RPS6KA2: variants seen among roughly 807,000 people sequenced by gnomAD.
RPS6KA2 encodes the protein ribosomal protein S6 kinase alpha-2.
Under a neutral mutation model 91.8 loss-of-function variants are expected in RPS6KA2, and 42 were observed. That is an observed-to-expected ratio of 0.46 (90% CI 0.36 to 0.59). RPS6KA2 has a LOEUF of 0.59. RPS6KA2 is among the 20% of genes least tolerant of loss of function. The pLI is 0.00. For missense variants in RPS6KA2, 798 were observed against 978.5 expected, an observed-to-expected ratio of 0.82 and a Z score of 2.46; for synonymous variants, 414 against 393.6, an observed-to-expected ratio of 1.05 and a Z score of -0.61.
At chr6:166,524,678 C>G (rs1390405180) in intron 3 of RPS6KA2, among the ~76,000 whole-genome samples, 1 of 152,222 alleles carries the variant, frequency 6.6e-6, no homozygotes, top group East Asian at 1.9e-4. Flanking sequence ...ACAGCTTACA[C>G]TTTCCAAGCC....
chr6:166,444,334 G>A (rs750293995), intron 14 of RPS6KA2, among the ~76,000 whole-genome samples: 6 of 152,110 alleles, frequency 3.9e-5, no homozygotes, highest in Admixed American at 6.5e-5. Flanking sequence ...GCAGCCATCC[G>A]TCATGCTATT....
At chr6:166,699,380 T>A (rs995539705) in intron 2 of RPS6KA2, among the ~76,000 whole-genome samples, 3 of 151,836 alleles carry the variant, frequency 2.0e-5, no homozygotes, top group African/African-American at 7.3e-5. Context: ...TTTTTTTGGA[T>A]AAAACTACAA....
intron 1 of RPS6KA2, among the ~76,000 whole-genome samples, chr6:166,550,177 C>A (rs1416816596): frequency 6.6e-6 from 1 of 152,100 alleles, no homozygotes; most frequent in Non-Finnish European, 1.5e-5. Context: ...CCTTTGTTTT[C>A]TGAATTTCCT....
intron 2 of RPS6KA2, among the ~76,000 whole-genome samples, chr6:166,647,293 T>A (rs1200394646): frequency 6.6e-6 from 1 of 152,164 alleles, no homozygotes; most frequent in African/African-American, 2.4e-5. Flanking sequence ...CTTTGCATCC[T>A]GTGCGTTTGA....
intron 2 of RPS6KA2, chr6:166,702,926 T>G (rs572778210): frequency 1.8e-4 from 116 of 647,998 alleles, no homozygotes; most frequent in South Asian, 1.7e-3. Flanking sequence ...GCTGGTTTTG[T>G]TCCCCTCGTC....
In RPS6KA2 at chr6:166,786,491, CA is replaced by C. The variant is rs763436265; in HGVS notation, c.123+71708del. On this transcript the variant is annotated intron_variant, in intron 2 of 21. Transcript: ENST00000503859. ...TAATTCATGAATGATATCACGGATG[CA>C]AAAAAAAAAATTCTGATTGCATCAA... 1.2e-3 allele frequency among the ~76,000 whole-genome samples: 159 copies of C among 134,294 alleles called. 2 individuals are homozygous for C. Among genetic ancestry groups the C allele is most frequent in the South Asian group, 0.011 (48 of 4,460 alleles). 88.1% of individuals were successfully genotyped at this position (134,294 alleles called of 152,430 possible). A position where few individuals can be genotyped will look rare whatever the true frequency, so the allele number is the denominator to read the frequency against.
At chr6:166,699,992 G>A (rs559785178) in intron 2 of RPS6KA2, among the ~76,000 whole-genome samples, 37 of 152,346 alleles carry the variant, frequency 2.4e-4, no homozygotes, top group Non-Finnish European at 5.0e-4. Context: ...CCATTGGTCT[G>A]AAGTGTACTG....
At position 166,493,948 on chromosome 6, in the gene RPS6KA2, C is replaced by T. The variant is rs984505255; in HGVS notation, c.748-3207G>A. Among the ~76,000 whole-genome samples the T allele has an allele frequency of 2.1e-4, 32 of 152,214 alleles. No individual in the cohort carries two copies. Among genetic ancestry groups the T allele is most frequent in the African/African-American group, 6.3e-4 (26 of 41,550 alleles). On this transcript the variant is annotated intron_variant, in intron 8 of 20. Transcript: ENST00000265678. This position sits in a 1 kb window ranked among gnomAD's most constrained non-coding sequence, Gnocchi z 4.7. The stretch of plus-strand genomic sequence containing the variant: ...TGGCGGCCCCGGCACAGGCAGGATG[C>T]GCCTCATGGAGGCCAGTGGTACTGG...
chr6:166,483,549 A>G (rs889533574), intron 10 of RPS6KA2, among the ~76,000 whole-genome samples: 31 of 152,370 alleles, frequency 2.0e-4, no homozygotes, highest in African/African-American at 7.5e-4. Flanking sequence ...TTTGAAGACC[A>G]AAAATGTCGT....
At chr6:166,556,457 C>A (rs1216203695) in intron 1 of RPS6KA2, among the ~76,000 whole-genome samples, 3 of 152,226 alleles carry the variant, frequency 2.0e-5, no homozygotes, top group Non-Finnish European at 2.9e-5. Flanking sequence ...TCTGAGTCAA[C>A]TGGCCTTGTA....
At chr6:166,759,820 G>C (rs62438717) in intron 2 of RPS6KA2, among the ~76,000 whole-genome samples, 85,937 of 151,616 alleles carry the variant, frequency 0.57, 25,007 homozygotes, top group South Asian at 0.69. Flanking sequence ...AGCCGCAGCC[G>C]AGTCCGTATC....
intron 5 of RPS6KA2, among the ~76,000 whole-genome samples, chr6:166,505,258 T>A (rs974087220): frequency 8.6e-5 from 13 of 152,046 alleles, no homozygotes; most frequent in African/African-American, 2.9e-4. Flanking sequence ...CCCACGTAGC[T>A]GGGACAGCTC....
intron 7 of RPS6KA2, 117 bp from the exon 8 acceptor site, chr6:166,498,767 C>A (rs1349611046): frequency 1.5e-6 from 2 of 1,325,108 alleles, no homozygotes; most frequent in Non-Finnish European, 2.1e-6. Context: ...GTGGGCGCAG[C>A]AGAGCCCTGC....
chr6:166,484,080 T>C (rs1030960548), intron 10 of RPS6KA2, among the ~76,000 whole-genome samples: 2 of 152,252 alleles, frequency 1.3e-5, no homozygotes, highest in African/African-American at 2.4e-5. Flanking sequence ...CCCGCAAACC[T>C]GTGCTGTCTT....
chr6:166,768,510 AG>A lies in RPS6KA2; in HGVS notation c.123+89689del, dbSNP rs150161921. Among the ~76,000 whole-genome samples, 453 of 152,232 alleles carry A rather than the reference AG, an allele frequency of 3.0e-3. 1 individual carries two copies. Among genetic ancestry groups the A allele is most frequent in the African/African-American group, 0.01 (434 of 41,526 alleles). On this transcript the variant is annotated intron_variant, in intron 2 of 21. Coordinates refer to the RPS6KA2 transcript ENST00000503859. The stretch of plus-strand genomic sequence containing the variant: ...GCAGGGGCAGCTGCCTCTGCTTCAG[AG>A]GCTGAGTCTGTGTTAGGAGTTTCAG...
chr6:166,647,474 T>C (rs1473741074), intron 2 of RPS6KA2, among the ~76,000 whole-genome samples: 1 of 152,146 alleles, frequency 6.6e-6, no homozygotes, highest in Non-Finnish European at 1.5e-5. Context: ...AAAATTCAGG[T>C]CTGGTCAAGC....
chr6:166,810,474 C>T (rs4710106), intron 2 of RPS6KA2, among the ~76,000 whole-genome samples: 30,768 of 152,012 alleles, frequency 0.2, 3,665 homozygotes, highest in African/African-American at 0.33. Flanking sequence ...GCATTAAAGA[C>T]GAGATGTGCC....
chr6:166,510,269 C>A lies in RPS6KA2; in HGVS notation c.379+8G>T. On this transcript the variant is annotated splice_region_variant and intron_variant, in intron 4 of 20. Coordinates refer to ENST00000265678, the MANE Select transcript of RPS6KA2 (RefSeq NM_021135.6). ...TCCTCTTTAAAGTGTCATTTTGACT[C>A]TACTTACCATAATGAAGCTTCACAA... The A allele has an allele frequency of 6.4e-7, 1 of 1,570,948 alleles. No individual in the cohort carries two copies. The highest frequency in any genetic ancestry group is 1.7e-5 in the Admixed American group (1 of 58,920).
intron 10 of RPS6KA2, among the ~76,000 whole-genome samples, chr6:166,485,940 A>C (rs1477847048): frequency 6.6e-6 from 1 of 152,148 alleles, no homozygotes; most frequent in Non-Finnish European, 1.5e-5. Context: ...GACTCTGGGC[A>C]CTAAGGGTGA....
Sources: allele counts gnomAD v4.1 joint callset (sites outside exome capture counted in the v4.1 genomes callset), GRCh38; gene constraint gnomAD v4.1.1; non-coding constraint Gnocchi (gnomAD v3.1); transcripts MANE v1.5; gene names NCBI Gene and HGNC (gene_info 2026-07-23, HGNC 2026-07-21).